Variants in LRCH1 observed in about 807,000 individuals in gnomAD.
LRCH1 encodes leucine rich repeats and calponin homology domain containing 1, also known as leucine-rich repeat and calponin homology domain-containing protein 1.
Under a neutral mutation model 94.9 loss-of-function variants are expected in LRCH1, and 23 were observed. That is an observed-to-expected ratio of 0.24 (90% confidence interval 0.17 to 0.34). LRCH1 has a LOEUF of 0.34. LRCH1 is among the 10% of genes least tolerant of loss of function. The probability of loss-of-function intolerance (pLI) is 1.00; values close to 1 mark genes in which losing one functional copy is unlikely to be tolerated. For missense variants in LRCH1, 790 were observed against 945.9 expected, an observed-to-expected ratio of 0.84 and a Z score of 2.16; for synonymous variants, 364 against 354.9, an observed-to-expected ratio of 1.03 and a Z score of -0.29.
chr13:46,650,722 C>CAAAAAAAAAA (rs756410319), intron 2 of LRCH1, among the ~76,000 whole-genome samples: 2 of 58,232 alleles, frequency 3.4e-5, no homozygotes, highest in Admixed American at 4.1e-4. Context: ...AAACAAGGAG[C>CAAAAAAAAAA]AAAAAAAAAA....
At chr13:46,629,218 C>T (rs2050989419) in intron 1 of LRCH1, among the ~76,000 whole-genome samples, 1 of 152,110 alleles carries the variant, frequency 6.6e-6, no homozygotes, top group Non-Finnish European at 1.5e-5. Flanking sequence ...GCATAGAGGC[C>T]TCTGTGGGGG....
chr13:46,606,549 T>C (rs559073292), intron 1 of LRCH1, among the ~76,000 whole-genome samples: 10 of 152,278 alleles, frequency 6.6e-5, no homozygotes, highest in Non-Finnish European at 1.0e-4. Flanking sequence ...GACAAGTCCA[T>C]TGAAATAAGT....
In LRCH1 at chr13:46,553,187, G is replaced by C. The variant is rs1049296130; in HGVS notation, c.-210G>C. The C allele has an allele frequency of 7.0e-6, 4 of 568,190 alleles. No individual in the cohort carries two copies. Among genetic ancestry groups the C allele is most frequent in the Non-Finnish European group, 1.2e-5 (4 of 326,466 alleles). The allele number at this position is 568,190 out of a possible 1,614,324, so 35.2% of individuals were successfully genotyped here. A position where few individuals can be genotyped will look rare whatever the true frequency, so the allele number is the denominator to read the frequency against. The stretch of plus-strand genomic sequence containing the variant: ...CCGCCGCCGCAGTCCTTAGCTTCCC[G>C]GGGACAGGAAACCTTCAAGACCGAG... On this transcript the variant is annotated 5_prime_UTR_variant, in exon 1 of 20. Transcript: ENST00000389797.
chr13:46,569,753 T>C (rs1227484922), intron 1 of LRCH1, among the ~76,000 whole-genome samples: 1 of 152,194 alleles, frequency 6.6e-6, no homozygotes, highest in Non-Finnish European at 1.5e-5. Context: ...TTTCCATTAG[T>C]GTTCCCATAT....
In LRCH1 at chr13:46,573,866, A is replaced by ATATATATATATATTTT; in HGVS notation, c.307+20164_307+20165insATATATATATATTTTT. ...GTCAAATATATATATATATATATATATTTTTTTTTTTTTTGAGATGGAGTC... is the reference window on the plus strand; with the variant it reads ...GTCAAATATATATATATATATATATATATATATATATATTTTTTTTTTTTTTTTTTGAGATGGAGTC... On this transcript the variant is annotated intron_variant, in intron 1 of 19. Transcript: ENST00000389797. Among the ~76,000 whole-genome samples the ATATATATATATATTTT allele has an allele frequency of 8.8e-4, 56 of 63,366 alleles. 1 individual carries two copies. Among genetic ancestry groups the ATATATATATATATTTT allele is most frequent in the Non-Finnish European group, 1.4e-3 (44 of 31,576 alleles). The allele number at this position is 63,366 out of a possible 152,430, so 41.6% of individuals were successfully genotyped here.
chr13:46,642,317 G>A (rs955503168), intron 1 of LRCH1, among the ~76,000 whole-genome samples: 2 of 152,178 alleles, frequency 1.3e-5, no homozygotes, highest in African/African-American at 4.8e-5. Flanking sequence ...CTATGAGGCA[G>A]AATCAGTAGA....
At position 46,742,567 on chromosome 13, in the gene LRCH1, C is replaced by A; in HGVS notation, c.*719C>A. On this transcript the variant is annotated 3_prime_UTR_variant, in exon 20 of 20. Coordinates refer to ENST00000389797, the MANE Select transcript of LRCH1 (RefSeq NM_001164211.2). ...AAGTGTCGTTGCTGTTAGAGCCTCA[C>A]GTGGAGGAGTCACTTAAACACCAGT... 2.0e-6 allele frequency: 2 copies of A among 985,424 alleles called. No homozygotes were observed. Among genetic ancestry groups the A allele is most frequent in the South Asian group, 9.4e-5 (2 of 21,284 alleles). 61.0% of individuals were successfully genotyped at this position (985,424 alleles called of 1,614,324 possible).
chr13:46,633,512 A>G (rs931252903), intron 1 of LRCH1, among the ~76,000 whole-genome samples: 1 of 152,202 alleles, frequency 6.6e-6, no homozygotes, highest in Non-Finnish European at 1.5e-5. Flanking sequence ...ATTTTGGTTT[A>G]GGACTTCCTG....
chr13:46,579,209 G>A (rs909485356), intron 1 of LRCH1, among the ~76,000 whole-genome samples: 1 of 152,148 alleles, frequency 6.6e-6, no homozygotes, highest in Admixed American at 6.5e-5. Flanking sequence ...ACTGTGGATG[G>A]CATCTGATTA....
intron 2 of LRCH1, among the ~76,000 whole-genome samples, chr13:46,661,821 A>T (rs1490088384): frequency 6.6e-6 from 1 of 152,212 alleles, no homozygotes; most frequent in African/African-American, 2.4e-5. Context: ...TATTACCTTA[A>T]TGTCCCTAGG....
intron 1 of LRCH1, among the ~76,000 whole-genome samples, chr13:46,593,244 A>T (rs2137965986): frequency 6.6e-6 from 1 of 151,832 alleles, no homozygotes; most frequent in African/African-American, 2.4e-5. Flanking sequence ...GAAATAAAAA[A>T]AAAGTTTTTC....
Position 46,650,506 on chromosome 13 carries a change from ATGT to A in LRCH1, c.452+166_452+168del, listed in dbSNP as rs1242107848. On this transcript the variant is annotated intron_variant, in intron 2 of 19. Transcript: ENST00000389797. ...TAATAACTTTTCTAATAAATTTGTA[ATGT>A]TGTTAATACTGTCCTTGGTGCTAGA... is the stretch of plus-strand genomic sequence containing the variant. Among the ~76,000 whole-genome samples, 5 of 152,222 alleles carry A rather than the reference ATGT, an allele frequency of 3.3e-5. No homozygotes were observed. In the East Asian group the frequency reaches 9.7e-4, roughly 29 times the overall value.
chr13:46,597,291 G>A (rs751095611), intron 1 of LRCH1, among the ~76,000 whole-genome samples: 1 of 152,000 alleles, frequency 6.6e-6, no homozygotes, highest in Non-Finnish European at 1.5e-5. Context: ...GCATTTTTGG[G>A]CTTTTTCTTG....
At chr13:46,561,756 A>G (rs1406769527) in intron 1 of LRCH1, among the ~76,000 whole-genome samples, 3 of 151,870 alleles carry the variant, frequency 2.0e-5, no homozygotes, top group African/African-American at 7.3e-5. Context: ...CAAGTCATTT[A>G]CCTCATGTCC....
At position 46,723,245 on chromosome 13, in the gene LRCH1, T is replaced by G. The variant is rs762117592; in HGVS notation, c.1784T>G (p.Leu595Trp). Residue 595 changes from leucine to tryptophan, a missense_variant, in exon 17 of 20, where the codon TTG becomes TGG. Leu to Trp is a moderately conservative substitution (Grantham distance 61). Around this residue, in one of 3 missense-constraint regions of LRCH1, gnomAD observed 460 missense variants for 508.9 expected, o/e 0.90. Coordinates refer to ENST00000389797, the MANE Select transcript of LRCH1 (RefSeq NM_001164211.2). ...GTGTTTCTAAGACCTCAGAGAAATT[T>G]GGAATCTATAGACCCGCAGTTTACA... Reference protein sequence around the residue: ...DNVFLRPQRNLESIDPQFTIR... With the variant: ...DNVFLRPQRNWESIDPQFTIR... The G allele has an allele frequency of 7.4e-6, 12 of 1,612,702 alleles. No homozygotes were observed. Among genetic ancestry groups the G allele is most frequent in the Non-Finnish European group, 1.0e-5 (12 of 1,178,984 alleles).
intron 1 of LRCH1, among the ~76,000 whole-genome samples, chr13:46,591,101 G>A (rs2050495076): frequency 6.6e-6 from 1 of 151,958 alleles, no homozygotes; most frequent in African/African-American, 2.4e-5. Context: ...CATTCAGATT[G>A]GCCCTATGGA....
chr13:46,694,796 A>G (rs763771645), intron 8 of LRCH1, 97 bp from the exon 9 acceptor site: 2 of 1,333,722 alleles, frequency 1.5e-6, no homozygotes, highest in Non-Finnish European at 2.1e-6. Flanking sequence ...GGGAACACAG[A>G]AGACTTGAAG....
At chr13:46,600,847 G>A (rs1255772406) in intron 1 of LRCH1, among the ~76,000 whole-genome samples, 1 of 152,216 alleles carries the variant, frequency 6.6e-6, no homozygotes, top group African/African-American at 2.4e-5. Flanking sequence ...GCAACAGTCA[G>A]CTTTTCTGCT....
intron 1 of LRCH1, among the ~76,000 whole-genome samples, chr13:46,587,509 A>C (rs1483412781): frequency 6.6e-6 from 1 of 152,250 alleles, no homozygotes; most frequent in Non-Finnish European, 1.5e-5. Context: ...TCTTAGCAAG[A>C]GTACTGGAAC....
Sources: gnomAD v4.1 joint callset for allele counts (sites outside exome capture counted in the v4.1 genomes callset) on GRCh38, gnomAD v4.1.1 for gene constraint, gnomAD v4.1.1 regional missense constraint, MANE v1.5 for transcripts, NCBI Gene and HGNC (gene_info 2026-07-23, HGNC 2026-07-21) for gene names.